SKI: variants seen among roughly 807,000 people sequenced by gnomAD.
SKI encodes SKI proto-oncogene.
Under a neutral mutation model 59.3 loss-of-function variants are expected in SKI, and 23 were observed. The ratio of observed to expected loss-of-function variants is 0.39; its 90% CI spans 0.28 to 0.55. The LOEUF is 0.55. Ranked by LOEUF, SKI falls within the 20% of genes least tolerant of loss-of-function variation. SKI has a pLI of 0.67. For synonymous variants in SKI, 673 were observed against 488.6 expected (o/e 1.38, Z -4.98); for missense variants, 1,017 against 1,038.9 (o/e 0.98, Z 0.29).
chr1:2,278,142 C>T (rs960412593), intron 1 of SKI, among the ~76,000 whole-genome samples: 1 of 152,224 alleles, frequency 6.6e-6, no homozygotes, highest in African/African-American at 2.4e-5. Context: ...AGCCCAGTGT[C>T]CCCTGGACCC....
At chr1:2,262,707 A>G (rs1375014298) in intron 1 of SKI, among the ~76,000 whole-genome samples, 1 of 151,878 alleles carries the variant, frequency 6.6e-6, no homozygotes, top group Non-Finnish European at 1.5e-5. Flanking sequence ...CAGGAAGGAT[A>G]TTGGGTTTTG....
Position 2,306,585 on chromosome 1 carries a change from C to T in SKI, c.2007C>T (p.Asp669=), listed in dbSNP as rs750838146. The change falls in exon 7 of 7, where the codon GAC becomes GAT. Residue 669 remains aspartate (D), a synonymous_variant. Coordinates refer to ENST00000378536, the MANE Select transcript of SKI (RefSeq NM_003036.4). ...ACTCGGCTCCCTTTCAGATCGAAGA[C>T]CTGCAGGTGAAGCTGCAGCACGCGG... is the stretch of plus-strand genomic sequence containing the variant. The part of the protein sequence containing the change: ...LRAKYSAQIE[D]LQVKLQHAEA... 19 of 1,542,766 alleles carry T rather than the reference C, an allele frequency of 1.2e-5. No individual in the cohort carries two copies. The highest frequency in any genetic ancestry group is 1.2e-4 in the East Asian group (5 of 40,732).
chr1:2,233,304 GGTCCTGCTCCGAGGGGGCCGGGC>G (rs1638683068), intron 1 of SKI, among the ~76,000 whole-genome samples: 2 of 151,636 alleles, frequency 1.3e-5, no homozygotes, highest in African/African-American at 2.4e-5. Context: ...CTGGGCCGGG[GGTCCTGCTCCGAGGGGGCCGGGC>G]GTCCTGTTCC....
Position 2,229,843 on chromosome 1 carries a change from C to T in SKI, c.969+108C>T. On this transcript the variant is annotated intron_variant, in intron 1 of 6. Transcript: ENST00000378536. The surrounding 1 kb of genome is among the most constrained non-coding windows in gnomAD (Gnocchi z 6.3). ...GGCTGGGACCTGTGCTTCTGCCGTG[C>T]CCCATGTCTCCAGTCTTCGCTTTGT... 1.3e-6 allele frequency: 2 copies of T among 1,519,398 alleles called. No homozygotes were observed. Among genetic ancestry groups the T allele is most frequent in the Admixed American group, 2.0e-5 (1 of 48,934 alleles). The allele number at this position is 1,519,398 out of a possible 1,614,324, so 94.1% of individuals were successfully genotyped here.
rs1170011372 is a variant in SKI at position 2,306,807 on chromosome 1, C to T, written c.*42C>T. On this transcript the variant is annotated 3_prime_UTR_variant, in exon 7 of 7. Transcript: ENST00000378536. ...CGCAGCGCCGCCGACAACGCGGGTG[C>T]AGGGGGGCGCGGCTGGGCGGTGCAG... The T allele has an allele frequency of 2.2e-6, 3 of 1,391,846 alleles. No individual in the cohort carries two copies. The highest frequency in any genetic ancestry group is 3.1e-5 in the Admixed American group (1 of 32,366). 86.2% of individuals were successfully genotyped at this position (1,391,846 alleles called of 1,614,324 possible).
intron 1 of SKI, among the ~76,000 whole-genome samples, chr1:2,246,576 G>A (rs1036669674): frequency 6.6e-6 from 1 of 152,142 alleles, no homozygotes; most frequent in Admixed American, 6.5e-5. Flanking sequence ...AAGAGGAGAC[G>A]CTCTGTGAGC....
intron 1 of SKI, among the ~76,000 whole-genome samples, chr1:2,239,162 G>A (rs934300100): frequency 2.0e-5 from 3 of 152,232 alleles, no homozygotes; most frequent in African/African-American, 7.2e-5. Context: ...ATTTTAATTA[G>A]CAGTTTAAGT....
chr1:2,293,284 A>C (rs913738723), intron 1 of SKI, among the ~76,000 whole-genome samples: 5 of 152,198 alleles, frequency 3.3e-5, no homozygotes, highest in African/African-American at 9.7e-5. Context: ...GGTGGGATCC[A>C]CCGGCGTGGC....
Position 2,260,922 on chromosome 1 carries a change from A to C in SKI, c.969+31187A>C, listed in dbSNP as rs374896292. ...CAAGGTCACAGAGATTATCTCCTGT[A>C]TTCTAGAAATTTTGTAGCTTTAAGT... On this transcript the variant is annotated intron_variant, in intron 1 of 6. Coordinates refer to ENST00000378536, the MANE Select transcript of SKI (RefSeq NM_003036.4). Among the ~76,000 whole-genome samples, 31 of 152,250 alleles carry C rather than the reference A, an allele frequency of 2.0e-4. No individual in the cohort carries two copies. The East Asian group carries it at 5.6e-3, about 27-fold the overall frequency.
intron 1 of SKI, among the ~76,000 whole-genome samples, chr1:2,298,004 C>T (rs1640328456): frequency 6.6e-6 from 1 of 152,176 alleles, no homozygotes; most frequent in Non-Finnish European, 1.5e-5. Flanking sequence ...TCCCCCCGCA[C>T]CAGAGTGCAG....
intron 1 of SKI, among the ~76,000 whole-genome samples, chr1:2,240,227 G>A (rs1638837692): frequency 6.6e-6 from 1 of 152,226 alleles, no homozygotes; most frequent in African/African-American, 2.4e-5. Context: ...GACCTTGGCC[G>A]AGGAGGCCTC....
At chr1:2,257,244 C>A (rs772625256) in intron 1 of SKI, among the ~76,000 whole-genome samples, 4 of 152,244 alleles carry the variant, frequency 2.6e-5, no homozygotes, top group Non-Finnish European at 5.9e-5. Context: ...CCTCTGCATT[C>A]CTTTGGTTGG....
rs935219338 is a variant in SKI, at chr1:2,310,206, TGA to T, written c.*3445_*3446del. On this transcript the variant is annotated 3_prime_UTR_variant, in exon 7 of 7. Coordinates refer to ENST00000378536, the MANE Select transcript of SKI (RefSeq NM_003036.4). ...GATGACATTGTACAATAAAGGACTT[TGA>T]GAGGACCGCGGGACAGCTGTGCGTG... is the stretch of plus-strand genomic sequence containing the variant. 1 of 152,082 alleles carries T rather than the reference TGA, an allele frequency of 6.6e-6. No homozygotes were observed. Among genetic ancestry groups the T allele is most frequent in the Non-Finnish European group, 1.5e-5 (1 of 68,024 alleles). The allele number at this position is 152,082 out of a possible 1,614,324, so 9.4% of individuals were successfully genotyped here.
rs1010434512 is a variant in SKI, at chr1:2,268,624, C to T, written c.970-34354C>T. Among the ~76,000 whole-genome samples, 8 of 152,236 alleles carry T rather than the reference C, an allele frequency of 5.3e-5. No individual in the cohort carries two copies. The East Asian group carries it at 5.8e-4, about 11-fold the overall frequency. ...GCTGGCTTGACAGGTCCCCCTTTCC[C>T]TCACCATGGAGTTTCACCCAATTTT... On this transcript the variant is annotated intron_variant, in intron 1 of 6. Transcript: ENST00000378536. The surrounding 1 kb of genome is among the most constrained non-coding windows in gnomAD (Gnocchi z 5.0).
At chr1:2,287,028 C>T (rs113517041) in intron 1 of SKI, among the ~76,000 whole-genome samples, 12 of 152,256 alleles carry the variant, frequency 7.9e-5, no homozygotes, top group African/African-American at 2.4e-4. Context: ...GGAAAAGTAA[C>T]GAGTGGAGGG....
Position 2,306,581 on chromosome 1 carries a change from A to G in SKI, c.2003A>G (p.Glu668Gly), listed in dbSNP as rs1640588930. The change falls in exon 7 of 7, where the codon GAA (glutamate) becomes GGA (glycine). Residue 668 changes from glutamate to glycine, a missense_variant. Transcript: ENST00000378536. ...GACCACTCGGCTCCCTTTCAGATCGAAGACCTGCAGGTGAAGCTGCAGCAC... is the reference window on the plus strand; with the variant it reads ...GACCACTCGGCTCCCTTTCAGATCGGAGACCTGCAGGTGAAGCTGCAGCAC... ...RLRAKYSAQIEDLQVKLQHAE... is the reference protein window; with the variant it reads ...RLRAKYSAQIGDLQVKLQHAE... The G allele has an allele frequency of 3.9e-6, 6 of 1,542,516 alleles. No homozygotes were observed. The East Asian group carries it at 7.4e-5, about 19-fold the overall frequency.
At chr1:2,254,898 TC>T (rs1639241451) in intron 1 of SKI, among the ~76,000 whole-genome samples, 2 of 152,286 alleles carry the variant, frequency 1.3e-5, no homozygotes, top group South Asian at 4.1e-4. Flanking sequence ...CAACAACACT[TC>T]TTTCCTCCAA....
At position 2,304,039 on chromosome 1, in the gene SKI, G is replaced by T. The variant is rs745717087; in HGVS notation, c.1411G>T (p.Val471Leu). ...AGGAGCCCCAGAGACGCTGGCGCCC[G>T]TGGCTGCCCCAGAGGAGGACAAGGA... ...TPGAPETLAP[V>L]AAPEEDKDSE... is the part of the protein sequence containing the mutation. Residue 471 changes from valine to leucine, a missense_variant, in exon 4 of 7, where the codon GTG becomes TTG. Coordinates refer to ENST00000378536, the MANE Select transcript of SKI (RefSeq NM_003036.4). 8.7e-6 allele frequency: 14 copies of T among 1,612,510 alleles called. No homozygotes were observed. In the East Asian group the frequency reaches 3.1e-4, roughly 36 times the overall value.
intron 1 of SKI, among the ~76,000 whole-genome samples, chr1:2,232,889 C>T (rs1387329428): frequency 2.0e-5 from 3 of 152,198 alleles, no homozygotes; most frequent in Non-Finnish European, 4.4e-5. Flanking sequence ...GAGCACTTAG[C>T]CAAGACTGGA....
Sources: gnomAD v4.1 joint callset for allele counts (sites outside exome capture counted in the v4.1 genomes callset) on GRCh38, gnomAD v4.1.1 for gene constraint, Gnocchi (gnomAD v3.1) non-coding constraint, MANE v1.5 for transcripts, NCBI Gene and HGNC (gene_info 2026-07-23, HGNC 2026-07-21) for gene names.